Variants in ZNF226 observed in about 807,000 individuals in gnomAD.
ZNF226 encodes Kruppel-associated box protein.
Under a neutral mutation model 11.4 loss-of-function variants are expected in ZNF226, and 6 were observed. That is an observed-to-expected ratio of 0.53 (90% CI 0.29 to 1.04). ZNF226 has a LOEUF of 1.04. ZNF226 is among the 50% of genes least tolerant of loss of function. The probability of loss-of-function intolerance (pLI) is 0.08; values close to 1 mark genes in which losing one functional copy is unlikely to be tolerated. For missense variants in ZNF226, 1,058 were observed against 956.5 expected (o/e 1.11, Z -1.40); for synonymous variants, 350 against 322.8 (o/e 1.08, Z -0.90).
the ZNF226 span, among the ~76,000 whole-genome samples, chr19:44,187,841 T>C: frequency 6.6e-6 from 1 of 152,148 alleles, no homozygotes; most frequent in Non-Finnish European, 1.5e-5. This position sits in a 1 kb window ranked among gnomAD's most constrained non-coding sequence, Gnocchi z 4.0. Context: ...TTTATTTGTC[T>C]CCTGATGTTT....
In ZNF226 at chr19:44,172,154, G is replaced by A. The variant is rs568944182; in HGVS notation, c.82G>A (p.Ala28Thr). The stretch of plus-strand genomic sequence containing the variant: ...GGAGGAATTGGGGCTGCTGGGCCCT[G>A]CCCAGAGGAAGCTGTACCGAGATGT... ...TEEELGLLGP[A>T]QRKLYRDVMV... The change falls in exon 4 of 6, where the codon GCC becomes ACC. Residue 28 changes from alanine (A) to threonine (T), a missense_variant. Physicochemically the swap from Ala to Thr is moderately conservative, Grantham distance 58 (BLOSUM62 0). Transcript: ENST00000337433. 3 of 1,613,234 alleles carry A rather than the reference G, an allele frequency of 1.9e-6. No individual in the cohort carries two copies. Among genetic ancestry groups the A allele is most frequent in the South Asian group, 1.1e-5 (1 of 91,068 alleles).
chr19:44,177,423 C>T lies in ZNF226; in HGVS notation c.2161C>T (p.His721Tyr). 6.2e-7 allele frequency: 1 copy of T among 1,614,096 alleles called. No individual in the cohort carries two copies. The highest frequency in any genetic ancestry group is 8.5e-7 in the Non-Finnish European group (1 of 1,180,010). ...ASSLQLHQSV[H>Y]TGEKPYKCDV... is the part of the protein sequence containing the mutation. ...AAGTCTTCAACTTCATCAGAGTGTC[C>T]ACACAGGAGAGAAACCATACAAATG... Residue 721 changes from histidine to tyrosine, a missense_variant, in exon 6 of 6, where the codon CAC becomes TAC. Coordinates refer to ENST00000337433, the MANE Select transcript of ZNF226 (RefSeq NM_001032373.2).
At chr19:44,196,925 C>A in the ZNF226 span, among the ~76,000 whole-genome samples, 2 of 152,162 alleles carry the variant, frequency 1.3e-5, no homozygotes, top group Non-Finnish European at 2.9e-5. Flanking sequence ...TCTGATTGAA[C>A]CCTGACTGAT....
At chr19:44,180,111 A>AC (rs1321473608), downstream of ZNF226, among the ~76,000 whole-genome samples, 5 of 146,160 alleles carry the variant, frequency 3.4e-5, no homozygotes, top group Admixed American at 6.8e-5. Flanking sequence ...AAAAAAAAAA[A>AC]CCCAAGAAGG....
At chr19:44,170,339 G>A (rs1207938276) in intron 3 of ZNF226, among the ~76,000 whole-genome samples, 2 of 152,198 alleles carry the variant, frequency 1.3e-5, no homozygotes, top group Non-Finnish European at 2.9e-5. Flanking sequence ...GCTCACACCT[G>A]TAATCCCAGC....
chr19:44,171,743 C>T (rs1263881207), intron 3 of ZNF226, among the ~76,000 whole-genome samples: 1 of 152,146 alleles, frequency 6.6e-6, no homozygotes, highest in East Asian at 1.9e-4. Context: ...TAACGCTGCT[C>T]ACTTGGCTCC....
chr19:44,198,248 C>A, the ZNF226 span, among the ~76,000 whole-genome samples: 1 of 152,086 alleles, frequency 6.6e-6, no homozygotes, highest in Non-Finnish European at 1.5e-5. Context: ...ATAAACCCAC[C>A]TCTTTCTATT....
At chr19:44,179,865 C>G (rs1207811223), downstream of ZNF226, among the ~76,000 whole-genome samples, 3 of 151,834 alleles carry the variant, frequency 2.0e-5, no homozygotes, top group Non-Finnish European at 4.4e-5. Context: ...GGTGGATCAC[C>G]TGAGGTCAGG....
intron 4 of ZNF226, 115 bp from the exon 5 acceptor site, chr19:44,172,745 A>C: frequency 1.3e-6 from 1 of 790,300 alleles, no homozygotes; most frequent in Middle Eastern, 2.4e-4. Flanking sequence ...CAATTTAAAT[A>C]AAAGTTTGAA....
At chr19:44,194,339 C>T in the ZNF226 span, among the ~76,000 whole-genome samples, 1 of 152,018 alleles carries the variant, frequency 6.6e-6, no homozygotes, top group South Asian at 2.1e-4. Flanking sequence ...TGCAGTGGTA[C>T]AATCACAGCT....
chr19:44,174,237 A>C (rs1970452002), intron 5 of ZNF226: 1 of 152,166 alleles, frequency 6.6e-6, no homozygotes, highest in African/African-American at 2.4e-5. Context: ...AGTTGTAACC[A>C]AACTGAATAA....
chr19:44,176,407 A>G lies in ZNF226; in HGVS notation c.1145A>G (p.Gln382Arg). 1 of 1,614,136 alleles carries G rather than the reference A, an allele frequency of 6.2e-7. No individual in the cohort carries two copies. Among genetic ancestry groups the G allele is most frequent in the Non-Finnish European group, 8.5e-7 (1 of 1,179,994 alleles). Residue 382 changes from glutamine (Q) to arginine (R), a missense_variant, in exon 6 of 6, where the codon CAG becomes CGG. Coordinates refer to ENST00000337433, the MANE Select transcript of ZNF226 (RefSeq NM_001032373.2). ...CAGGCCTCTCATCTTCAGGACCATC[A>G]GAGACTCCACACTGGGGAGAAGCCA... ...FSQASHLQDH[Q>R]RLHTGEKPFK... is the part of the protein sequence containing the mutation.
Position 44,172,874 on chromosome 19 carries a change from A to G in ZNF226, c.157A>G (p.Lys53Glu). ...NLLSVGHPPF[K>E]QDVSPIERNE... The stretch of plus-strand genomic sequence containing the variant: ...CATTTTCACAGGGCATCCACCCTTC[A>G]AACAAGATGTATCACCTATAGAAAG... The change falls in exon 5 of 6, where the codon AAA becomes GAA. Residue 53 changes from lysine (K) to glutamate (E), a missense_variant. Physicochemically the swap from Lys to Glu is moderately conservative, Grantham distance 56. Transcript: ENST00000337433. 6.2e-7 allele frequency: 1 copy of G among 1,603,106 alleles called. No homozygotes were observed. The highest frequency in any genetic ancestry group is 8.5e-7 in the Non-Finnish European group (1 of 1,174,740).
the ZNF226 span, among the ~76,000 whole-genome samples, chr19:44,195,613 A>T: frequency 1.3e-5 from 2 of 152,206 alleles, no homozygotes; most frequent in African/African-American, 4.8e-5. Context: ...CAAAGGTGGT[A>T]GTAGTTCAAG....
chr19:44,177,654 G>A lies in ZNF226; in HGVS notation c.2392G>A (p.Glu798Lys). The A allele has an allele frequency of 4.4e-6, 7 of 1,580,666 alleles. No homozygotes were observed. The highest frequency in any genetic ancestry group is 3.4e-4 in the Middle Eastern group (2 of 5,842). ...GGKNIRESTQ[E>K]KKSIK ...TAAGAACATCAGAGAATCCACACAG[G>A]AAAAAAAATCTATAAAATGATTCTT... is the stretch of plus-strand genomic sequence containing the variant. The change falls in exon 6 of 6, where the codon GAA becomes AAA. Residue 798 changes from glutamate (E) to lysine (K), a missense_variant. Coordinates refer to ENST00000337433, the MANE Select transcript of ZNF226 (RefSeq NM_001032373.2).
the ZNF226 span, among the ~76,000 whole-genome samples, chr19:44,189,501 T>A: frequency 6.6e-6 from 1 of 152,350 alleles, no homozygotes; most frequent in Admixed American, 6.5e-5. Flanking sequence ...AAAAATTTTG[T>A]CATCTGATAT....
intron 5 of ZNF226, chr19:44,173,237 A>C: frequency 4.1e-6 from 2 of 487,692 alleles, no homozygotes; most frequent in Non-Finnish European, 3.6e-6. Flanking sequence ...TGGCTGACAG[A>C]GTCTTACACG....
chr19:44,193,219 G>T, the ZNF226 span, among the ~76,000 whole-genome samples: 1 of 151,766 alleles, frequency 6.6e-6, no homozygotes, highest in African/African-American at 2.4e-5. Flanking sequence ...GTTTCATAAA[G>T]TTCTTTTATA....
the ZNF226 span, among the ~76,000 whole-genome samples, chr19:44,199,390 G>T: frequency 6.6e-6 from 1 of 152,174 alleles, no homozygotes; most frequent in Non-Finnish European, 1.5e-5. Flanking sequence ...TCCCTGGGCT[G>T]CCTTTTGTTC....
Sources: allele counts gnomAD v4.1 joint callset (sites outside exome capture counted in the v4.1 genomes callset), GRCh38; gene constraint gnomAD v4.1.1; non-coding constraint Gnocchi (gnomAD v3.1); transcripts MANE v1.5; gene names NCBI Gene and HGNC (gene_info 2026-07-23, HGNC 2026-07-21).